PHLPP1: variants seen among roughly 807,000 people sequenced by gnomAD.
The protein encoded by PHLPP1 is PH domain leucine-rich repeat-containing protein phosphatase 1.
A neutral mutation model predicts 117.2 loss-of-function variants in PHLPP1; 42 were observed. That is an observed-to-expected ratio of 0.36 (90% CI 0.28 to 0.46). The LOEUF (loss-of-function observed/expected upper bound fraction) is 0.46, where lower values mean the gene tolerates loss of function less well. Among genes scored for constraint, PHLPP1 ranks in the 20% least tolerant of loss-of-function variants. The pLI is 1.00. For missense variants in PHLPP1, 2,084 were observed against 2,241.9 expected, an observed-to-expected ratio of 0.93 and a Z score of 1.42; for synonymous variants, 1,042 against 970.7, an observed-to-expected ratio of 1.07 and a Z score of -1.37.
At chr18:62,973,661 G>A (rs1052803653) in intron 15 of PHLPP1, among the ~76,000 whole-genome samples, 8 of 152,140 alleles carry the variant, frequency 5.3e-5, no homozygotes, top group African/African-American at 1.9e-4. Flanking sequence ...CTTGGTGGAG[G>A]CAAGCCTGGG....
At chr18:62,732,078 A>G (rs1403081330) in intron 1 of PHLPP1, among the ~76,000 whole-genome samples, 1 of 152,230 alleles carries the variant, frequency 6.6e-6, no homozygotes, top group African/African-American at 2.4e-5. Flanking sequence ...GCAGCAAGTT[A>G]TCTGGAAGAT....
At chr18:62,902,271 C>T (rs1192683089) in intron 6 of PHLPP1, among the ~76,000 whole-genome samples, 1 of 152,172 alleles carries the variant, frequency 6.6e-6, no homozygotes, top group East Asian at 1.9e-4. Flanking sequence ...TAAGATTTCT[C>T]AATGGATTCT....
intron 10 of PHLPP1, 136 bp downstream of exon 10, chr18:62,920,250 C>A: frequency 2.3e-6 from 2 of 881,988 alleles, no homozygotes; most frequent in Non-Finnish European, 3.5e-6. Context: ...ATAGTTTTGC[C>A]AGCCACTTTA....
chr18:62,925,013 A>G (rs1909582616), intron 10 of PHLPP1, among the ~76,000 whole-genome samples: 1 of 151,872 alleles, frequency 6.6e-6, no homozygotes, highest in African/African-American at 2.4e-5. Context: ...TCTAATCTAG[A>G]TCATGGGCCT....
chr18:62,948,059 TCAGGC>T (rs1401871848), intron 12 of PHLPP1, among the ~76,000 whole-genome samples: 1 of 151,316 alleles, frequency 6.6e-6, no homozygotes, highest in African/African-American at 2.4e-5. Flanking sequence ...AAATAGAAAT[TCAGGC>T]CAGGCACGGC....
intron 10 of PHLPP1, among the ~76,000 whole-genome samples, chr18:62,936,981 T>A (rs1252911291): frequency 6.6e-6 from 1 of 152,228 alleles, no homozygotes; most frequent in African/African-American, 2.4e-5. Flanking sequence ...TTGCTGGGGT[T>A]AGACAGTTGT....
At chr18:62,801,472 C>A (rs1000714364) in intron 1 of PHLPP1, among the ~76,000 whole-genome samples, 1 of 151,716 alleles carries the variant, frequency 6.6e-6, no homozygotes, top group African/African-American at 2.4e-5. Flanking sequence ...GTATATGGAG[C>A]CTCCCTCTGT....
chr18:62,749,789 G>T (rs1366179742), intron 1 of PHLPP1, among the ~76,000 whole-genome samples: 2 of 152,170 alleles, frequency 1.3e-5, no homozygotes, highest in Non-Finnish European at 2.9e-5. Flanking sequence ...GCCGAAGCGG[G>T]TGGGTCACTT....
At chr18:62,773,874 G>A (rs924513590) in intron 1 of PHLPP1, among the ~76,000 whole-genome samples, 1 of 152,106 alleles carries the variant, frequency 6.6e-6, no homozygotes, top group East Asian at 1.9e-4. Flanking sequence ...GTTGATGGAG[G>A]CCTGTTTCCT....
chr18:62,902,541 G>T (rs1244348205), intron 6 of PHLPP1, among the ~76,000 whole-genome samples: 1 of 152,128 alleles, frequency 6.6e-6, no homozygotes, highest in African/African-American at 2.4e-5. Context: ...AATATTCGTT[G>T]TAGTTGTGAT....
At chr18:62,951,283 C>T (rs969199162) in intron 12 of PHLPP1, among the ~76,000 whole-genome samples, 1 of 148,680 alleles carries the variant, frequency 6.7e-6, no homozygotes, top group Non-Finnish European at 1.5e-5. Context: ...GCCTGGCCAA[C>T]CCAGACTAGT....
chr18:62,767,824 A>G (rs183028205), intron 1 of PHLPP1, among the ~76,000 whole-genome samples: 8 of 152,322 alleles, frequency 5.3e-5, no homozygotes, highest in African/African-American at 1.9e-4. Context: ...ATCTGGTTAA[A>G]TAGAGTACAA....
At chr18:62,834,274 G>T (rs1410536412) in intron 2 of PHLPP1, among the ~76,000 whole-genome samples, 1 of 152,092 alleles carries the variant, frequency 6.6e-6, no homozygotes, top group Non-Finnish European at 1.5e-5. Context: ...TTCTCTCTGT[G>T]GCTCATTGGC....
chr18:62,867,260 G>A (rs535594664), intron 4 of PHLPP1, among the ~76,000 whole-genome samples: 1 of 152,188 alleles, frequency 6.6e-6, no homozygotes, highest in South Asian at 2.1e-4. Context: ...ATACTGCTAT[G>A]TTTTGATTTT....
intron 1 of PHLPP1, among the ~76,000 whole-genome samples, chr18:62,813,917 T>A (rs922311098): frequency 1.3e-5 from 2 of 152,214 alleles, no homozygotes; most frequent in Non-Finnish European, 2.9e-5. Flanking sequence ...AGTTCATGGC[T>A]CATTTTACTA....
At chr18:62,864,123 G>A (rs1046623892) in intron 4 of PHLPP1, among the ~76,000 whole-genome samples, 1 of 152,076 alleles carries the variant, frequency 6.6e-6, no homozygotes, top group Non-Finnish European at 1.5e-5. Flanking sequence ...CCGGGTTCAA[G>A]CAATTCTCCT....
At chr18:62,817,158 G>C (rs1024410543) in intron 1 of PHLPP1, among the ~76,000 whole-genome samples, 1 of 152,094 alleles carries the variant, frequency 6.6e-6, no homozygotes, top group Non-Finnish European at 1.5e-5. Flanking sequence ...TTCCCAGGCT[G>C]GTCTGAAATT....
intron 3 of PHLPP1, among the ~76,000 whole-genome samples, chr18:62,858,501 G>T (rs1283172409): frequency 6.6e-6 from 1 of 152,156 alleles, no homozygotes; most frequent in Non-Finnish European, 1.5e-5. Context: ...GACCTCAAAT[G>T]ATCCACCTGC....
intron 4 of PHLPP1, among the ~76,000 whole-genome samples, chr18:62,868,376 T>G (rs1915818912): frequency 6.6e-6 from 1 of 152,208 alleles, no homozygotes; most frequent in South Asian, 2.1e-4. Context: ...GTATCTTGCC[T>G]GTAACTTTGG....
Sources: gnomAD v4.1 joint callset for allele counts (sites outside exome capture counted in the v4.1 genomes callset) on GRCh38, gnomAD v4.1.1 for gene constraint, MANE v1.5 for transcripts, NCBI Gene and HGNC (gene_info 2026-07-23, HGNC 2026-07-21) for gene names.